TTLL4: variants seen among roughly 807,000 people sequenced by gnomAD.
TTLL4 encodes the protein tubulin tyrosine ligase like 4.
Under a neutral mutation model 122.7 loss-of-function variants are expected in TTLL4, and 85 were observed. The observed-to-expected ratio is 0.69, with a 90% CI of 0.58 to 0.83. The LOEUF (loss-of-function observed/expected upper bound fraction) is 0.83, where lower values mean the gene tolerates loss of function less well. Among genes scored for constraint, TTLL4 ranks in the 40% least tolerant of loss-of-function variants. The pLI, the probability that TTLL4 is intolerant of heterozygous loss-of-function variation, is 0.00. For synonymous variants in TTLL4, 553 were observed against 563.0 expected (o/e 0.98, Z 0.25); for missense variants, 1,363 against 1,488.6 (o/e 0.92, Z 1.39).
chr2:218,733,638 G>GAGA (rs1942439715), intron 2 of TTLL4, among the ~76,000 whole-genome samples: 1 of 152,222 alleles, frequency 6.6e-6, no homozygotes, highest in Non-Finnish European at 1.5e-5. Flanking sequence ...ATACCTTAGA[G>GAGA]AGAAGAGAAT....
At chr2:218,754,000 T>C in intron 19 of TTLL4, 134 bp from the exon 20 acceptor site, 1 of 1,318,104 alleles carries the variant, frequency 7.6e-7, no homozygotes, top group East Asian at 2.3e-5. Flanking sequence ...TTTATGGTTA[T>C]TACATTTCCA....
In TTLL4 at chr2:218,748,384, G is replaced by A. The variant is rs1011112820; in HGVS notation, c.2501+157G>A. The A allele has an allele frequency of 1.4e-4, 172 of 1,217,366 alleles. No individual in the cohort carries two copies. In the African/African-American group the frequency reaches 2.2e-3, roughly 15 times the overall value. 75.4% of individuals were successfully genotyped at this position (1,217,366 alleles called of 1,614,324 possible). ...ATTGGTCTATTTGAGGCCGGATGTG[G>A]TGGCTCACGCCTGTAATCCTAGCAC... On this transcript the variant is annotated intron_variant, in intron 12 of 19. Coordinates refer to ENST00000392102, the MANE Select transcript of TTLL4 (RefSeq NM_014640.5).
rs199620365 is a variant in TTLL4, at chr2:218,745,109, A to G, written c.1662A>G (p.Arg554=). 73 of 1,613,778 alleles carry G rather than the reference A, an allele frequency of 4.5e-5. No individual in the cohort carries two copies. Among genetic ancestry groups the G allele is most frequent in the Non-Finnish European group, 5.9e-5 (70 of 1,179,868 alleles). The change falls in exon 6 of 20, where the codon AGA becomes AGG. Residue 554 remains arginine, a splice_region_variant and synonymous_variant. Coordinates refer to ENST00000392102, the MANE Select transcript of TTLL4 (RefSeq NM_014640.5). ...SPSESVAMIS[R]SCMEILTKPL... ...ACTCCATGTTTGTTTTTCGTCTTAGAAGCTGTATGGAAATTCTGACCAAAC... is the reference window on the plus strand; with the variant it reads ...ACTCCATGTTTGTTTTTCGTCTTAGGAGCTGTATGGAAATTCTGACCAAAC...
In TTLL4 at chr2:218,747,949, A is replaced by G; in HGVS notation, c.2379-156A>G. 1 of 1,213,062 alleles carries G rather than the reference A, an allele frequency of 8.2e-7. No individual in the cohort carries two copies. Among genetic ancestry groups the G allele is most frequent in the South Asian group, 1.5e-5 (1 of 68,618 alleles). The allele number at this position is 1,213,062 out of a possible 1,614,324, so 75.1% of individuals were successfully genotyped here. On this transcript the variant is annotated intron_variant, in intron 11 of 19. Transcript: ENST00000392102. This position sits in a 1 kb window ranked among gnomAD's most constrained non-coding sequence, Gnocchi z 4.7. Reference sequence around the variant, plus strand: ...GAGATGAGTTTAGCTGTGGTTTTTCAGAACTTTGCCAGTAGACACACTTCT... The same window carrying G: ...GAGATGAGTTTAGCTGTGGTTTTTCGGAACTTTGCCAGTAGACACACTTCT...
At chr2:218,758,341 A>G (rs1943188658), downstream of TTLL4, among the ~76,000 whole-genome samples, 1 of 152,232 alleles carries the variant, frequency 6.6e-6, no homozygotes, top group Non-Finnish European at 1.5e-5. Context: ...AAGCCTACTC[A>G]GAATAGTTAT....
chr2:218,726,559 G>C (rs1575163441), intron 1 of TTLL4, among the ~76,000 whole-genome samples: 1 of 152,002 alleles, frequency 6.6e-6, no homozygotes, highest in Non-Finnish European at 1.5e-5. Context: ...TCTGCCTCCC[G>C]GGTTCAAGCG....
intron 2 of TTLL4, among the ~76,000 whole-genome samples, chr2:218,730,465 G>A (rs1181468564): frequency 1.3e-5 from 2 of 151,374 alleles, no homozygotes; most frequent in African/African-American, 2.4e-5. Context: ...CTGAGATCAT[G>A]CCACTGCACT....
chr2:218,738,001 C>T lies in TTLL4; in HGVS notation c.325C>T (p.Pro109Ser), dbSNP rs745453069. 1 of 1,614,210 alleles carries T rather than the reference C, an allele frequency of 6.2e-7. No individual in the cohort carries two copies. The highest frequency in any genetic ancestry group is 1.1e-5 in the South Asian group (1 of 91,082). The change falls in exon 3 of 20, where the codon CCG (proline) becomes TCG (serine). Residue 109 changes from proline (P) to serine (S), a missense_variant. Physicochemically the swap from Pro to Ser is moderately conservative, Grantham distance 74. Transcript: ENST00000392102. ...HSSSCYLHSL[P>S]DLFNSTLLYR... is the part of the protein sequence containing the mutation. ...CAGTTCCTGTTACCTACACTCTCTC[C>T]CGGACTTGTTCAACAGCACCCTGCT...
intron 1 of TTLL4, among the ~76,000 whole-genome samples, chr2:218,721,353 C>T (rs953405026): frequency 4.6e-5 from 7 of 152,142 alleles, no homozygotes; most frequent in Non-Finnish European, 1.0e-4. Context: ...TACAGGTGTG[C>T]GTCACCGCGC....
At position 218,738,555 on chromosome 2, in the gene TTLL4, C is replaced by T. The variant is rs375433269; in HGVS notation, c.879C>T (p.His293=). ...TCGCCTTGTCTACCGCTAGCTCCCACGACACATCCACCACCAGTGTTGCCT... is the reference window on the plus strand; with the variant it reads ...TCGCCTTGTCTACCGCTAGCTCCCATGACACATCCACCACCAGTGTTGCCT... ...AHIALSTASS[H]DTSTTSVASS... The change falls in exon 3 of 20, where the codon CAC becomes CAT. Residue 293 remains histidine (H), a synonymous_variant. Transcript: ENST00000392102. 17 of 1,614,034 alleles carry T rather than the reference C, an allele frequency of 1.1e-5. No individual in the cohort carries two copies. The highest frequency in any genetic ancestry group is 2.7e-5 in the African/African-American group (2 of 74,912).
At chr2:218,746,432 A>G (rs1292316270) in intron 8 of TTLL4, 3 of 578,208 alleles carry the variant, frequency 5.2e-6, no homozygotes, top group Non-Finnish European at 9.2e-6. Flanking sequence ...CAGCTGCAGT[A>G]TCTTGGAGTT....
intron 2 of TTLL4, among the ~76,000 whole-genome samples, chr2:218,728,327 T>G (rs1942254796): frequency 6.6e-6 from 1 of 152,194 alleles, no homozygotes. Context: ...TGGTCCCATC[T>G]GGGGGTGATG....
chr2:218,745,663 A>T (rs1294068998), intron 6 of TTLL4, 28 bp from the exon 7 acceptor site: 2 of 1,407,836 alleles, frequency 1.4e-6, no homozygotes, highest in African/African-American at 3.0e-5. Flanking sequence ...TCCATCCCCC[A>T]TCCCCACACC....
intron 8 of TTLL4, 108 bp downstream of exon 8, chr2:218,746,339 A>C (rs1942842303): frequency 1.8e-5 from 23 of 1,244,536 alleles, no homozygotes; most frequent in Non-Finnish European, 2.6e-5. Flanking sequence ...ATGACCATGG[A>C]GAAGTCAGGA....
downstream of TTLL4, among the ~76,000 whole-genome samples, chr2:218,758,824 C>T (rs1943193918): frequency 6.6e-6 from 1 of 152,222 alleles, no homozygotes; most frequent in Admixed American, 6.5e-5. Flanking sequence ...CAATTCCACT[C>T]TTGCAGGCAA....
intron 1 of TTLL4, among the ~76,000 whole-genome samples, chr2:218,724,557 T>A (rs35594672): frequency 0.5 from 75,589 of 152,020 alleles, 19,532 homozygotes; most frequent in African/African-American, 0.61. Flanking sequence ...TATTTTACTT[T>A]ATATAATGAC....
At chr2:218,745,826 C>T in intron 7 of TTLL4, 25 bp downstream of exon 7, 1 of 1,595,902 alleles carries the variant, frequency 6.3e-7, no homozygotes, top group Non-Finnish European at 8.6e-7. Context: ...TTACTGTGAG[C>T]CTGTCCTTTT....
At chr2:218,731,411 C>CA (rs892504493) in intron 2 of TTLL4, among the ~76,000 whole-genome samples, 138 of 137,488 alleles carry the variant, frequency 1.0e-3, no homozygotes, top group Non-Finnish European at 9.6e-4. Context: ...ACTCTGTTTC[C>CA]AAAAAAAAAA....
At chr2:218,746,934 G>T in intron 8 of TTLL4, 69 bp from the exon 9 acceptor site, 1 of 1,518,458 alleles carries the variant, frequency 6.6e-7, no homozygotes, top group South Asian at 1.2e-5. Flanking sequence ...ATGGTAGAAT[G>T]AGTCTTGTCA....
Sources: gnomAD v4.1 joint callset for allele counts (sites outside exome capture counted in the v4.1 genomes callset) on GRCh38, gnomAD v4.1.1 for gene constraint, Gnocchi (gnomAD v3.1) non-coding constraint, MANE v1.5 for transcripts, NCBI Gene and HGNC (gene_info 2026-07-23, HGNC 2026-07-21) for gene names.